Variants in ARHGAP32 observed in about 807,000 individuals in gnomAD.
ARHGAP32 encodes rho GTPase-activating protein 32.
Under a neutral mutation model 186.5 loss-of-function variants are expected in ARHGAP32, and 51 were observed. The ratio of observed to expected loss-of-function variants is 0.27; its 90% CI spans 0.22 to 0.35. ARHGAP32 has a LOEUF of 0.35. ARHGAP32 is among the 10% of genes least tolerant of loss of function. The pLI is 1.00. For synonymous variants in ARHGAP32, 950 were observed against 964.3 expected, an observed-to-expected ratio of 0.99 and a Z score of 0.27; for missense variants, 2,186 against 2,623.5, an observed-to-expected ratio of 0.83 and a Z score of 3.64.
At chr11:129,133,563 T>C (rs1049032657) in intron 2 of ARHGAP32, among the ~76,000 whole-genome samples, 4 of 152,170 alleles carry the variant, frequency 2.6e-5, no homozygotes, top group East Asian at 1.9e-4. Flanking sequence ...AATAAGGATT[T>C]AAATGACTGT....
intron 7 of ARHGAP32, among the ~76,000 whole-genome samples, chr11:129,066,202 A>G (rs17552085): frequency 0.1 from 15,928 of 152,070 alleles, 1,121 homozygotes; most frequent in Middle Eastern, 0.15. Flanking sequence ...TGTTTAGGCT[A>G]TATTTACTTT....
intron 19 of ARHGAP32, among the ~76,000 whole-genome samples, chr11:128,977,702 T>C (rs76068240): frequency 0.094 from 14,285 of 152,048 alleles, 881 homozygotes; most frequent in Middle Eastern, 0.14. Context: ...TAAGAGACTA[T>C]GTCTTGCTTT....
At chr11:129,171,088 G>A (rs1261863509) in intron 1 of ARHGAP32, among the ~76,000 whole-genome samples, 20 of 152,204 alleles carry the variant, frequency 1.3e-4, no homozygotes, top group Admixed American at 1.3e-3. Context: ...CAGAAGGGTA[G>A]ATTGCAAAAA....
chr11:129,185,948 C>T (rs895425694), intron 1 of ARHGAP32, among the ~76,000 whole-genome samples: 1 of 151,980 alleles, frequency 6.6e-6, no homozygotes, highest in Non-Finnish European at 1.5e-5. Context: ...TATAGCGCAA[C>T]TTCCAAAATT....
intron 1 of ARHGAP32, among the ~76,000 whole-genome samples, chr11:129,174,069 G>A (rs1484219711): frequency 2.6e-5 from 4 of 152,222 alleles, no homozygotes; most frequent in Non-Finnish European, 5.9e-5. Context: ...AGTGGGCACA[G>A]GACAGTGGGT....
intron 11 of ARHGAP32, among the ~76,000 whole-genome samples, chr11:129,004,748 C>A (rs955800825): frequency 6.6e-6 from 1 of 152,142 alleles, no homozygotes; most frequent in East Asian, 1.9e-4. Flanking sequence ...TCTTTTCAGT[C>A]TCTGTGTATC....
intron 11 of ARHGAP32, among the ~76,000 whole-genome samples, chr11:129,006,415 C>T (rs1336072689): frequency 6.6e-6 from 1 of 152,180 alleles, no homozygotes; most frequent in East Asian, 1.9e-4. Flanking sequence ...ATCTGCATCA[C>T]AATGCAAGCT....
intron 1 of ARHGAP32, among the ~76,000 whole-genome samples, chr11:129,181,866 C>G (rs1366869328): frequency 2.0e-5 from 3 of 152,096 alleles, no homozygotes; most frequent in East Asian, 1.9e-4. Context: ...AATTCCAACC[C>G]ATTAAATTCT....
At chr11:129,148,094 T>G (rs1007592580) in intron 2 of ARHGAP32, among the ~76,000 whole-genome samples, 1 of 152,196 alleles carries the variant, frequency 6.6e-6, no homozygotes. Context: ...AGATGGTGGA[T>G]AGCAGACAAT....
intron 15 of ARHGAP32, among the ~76,000 whole-genome samples, chr11:128,984,161 C>T (rs895254734): frequency 6.6e-6 from 1 of 151,972 alleles, no homozygotes; most frequent in African/African-American, 2.4e-5. Flanking sequence ...ATCACCTGAG[C>T]TCAGGAGTTT....
chr11:129,221,845 A>T (rs1356990509), intron 1 of ARHGAP32, among the ~76,000 whole-genome samples: 1 of 151,822 alleles, frequency 6.6e-6, no homozygotes. Flanking sequence ...AGGCAATGGG[A>T]CCCTATGCTC....
Position 128,973,229 on chromosome 11 carries a change from T to C in ARHGAP32, c.3277A>G (p.Thr1093Ala), listed in dbSNP as rs1164927738. The change falls in exon 22 of 23, where the codon ACA becomes GCA. Residue 1093 changes from threonine to alanine, a missense_variant. By Grantham distance (58) the Thr-to-Ala change is moderately conservative. This residue lies in a region of ARHGAP32 where 1,502 missense variants were observed against 1,570.0 expected (regional missense o/e 0.96). Transcript: ENST00000682385. ...GAACTGGACAGATTATCTTCAGTTG[T>C]AGCCACCGCTATGTCTCCATAATTT... ...YTNYGDIAVA[T>A]TEDNLSSSYS... The C allele has an allele frequency of 3.7e-6, 6 of 1,614,200 alleles. No homozygotes were observed. Among genetic ancestry groups the C allele is most frequent in the East Asian group, 4.5e-5 (2 of 44,884 alleles).
chr11:129,142,280 C>G (rs1018981831), intron 2 of ARHGAP32, among the ~76,000 whole-genome samples: 2 of 152,036 alleles, frequency 1.3e-5, no homozygotes, highest in African/African-American at 4.8e-5. Flanking sequence ...GGCAAAGGAG[C>G]CTGAGAAATG....
chr11:129,034,118 A>T (rs749255715), intron 11 of ARHGAP32, among the ~76,000 whole-genome samples: 3 of 152,108 alleles, frequency 2.0e-5, no homozygotes, highest in Non-Finnish European at 4.4e-5. Context: ...TCCAACTCAA[A>T]GCTTGGGGCA....
intron 1 of ARHGAP32, among the ~76,000 whole-genome samples, chr11:129,257,925 TTAGAA>T (rs765162846): frequency 2.0e-5 from 3 of 152,210 alleles, no homozygotes; most frequent in Non-Finnish European, 4.4e-5. Context: ...ACTTTTACTC[TTAGAA>T]TAGGTGTGAA....
chr11:129,125,910 TA>T (rs1942648819), intron 2 of ARHGAP32: 1 of 443,066 alleles, frequency 2.3e-6, no homozygotes, highest in African/African-American at 2.0e-5. Context: ...AACAGAGTAT[TA>T]CTAGATTCTT....
chr11:129,155,113 G>C (rs1308284296), intron 2 of ARHGAP32, among the ~76,000 whole-genome samples: 1 of 152,156 alleles, frequency 6.6e-6, no homozygotes, highest in Non-Finnish European at 1.5e-5. Context: ...CATTTGTTAT[G>C]TATTATTTCC....
intron 5 of ARHGAP32, among the ~76,000 whole-genome samples, chr11:129,097,618 G>T (rs1038724270): frequency 3.3e-5 from 5 of 151,946 alleles, no homozygotes; most frequent in Admixed American, 1.3e-4. Flanking sequence ...AGATGATTGA[G>T]TAATAGGAAG....
intron 1 of ARHGAP32, among the ~76,000 whole-genome samples, chr11:129,187,336 CAGAG>C (rs1281469732): frequency 1.3e-5 from 2 of 148,918 alleles, no homozygotes; most frequent in African/African-American, 5.0e-5. Context: ...CTCATGGACA[CAGAG>C]AGTAGAAGGA....
Sources: gnomAD v4.1 joint callset for allele counts (sites outside exome capture counted in the v4.1 genomes callset) on GRCh38, gnomAD v4.1.1 for gene constraint, gnomAD v4.1.1 regional missense constraint, MANE v1.5 for transcripts, NCBI Gene and HGNC (gene_info 2026-07-23, HGNC 2026-07-21) for gene names.